The following IPCEF1 variants were observed in gnomAD, a reference collection of about 807,000 sequenced individuals.
The protein encoded by IPCEF1 is interaction protein for cytohesin exchange factors 1.
IPCEF1 carries 31 observed loss-of-function variants against 50.9 expected under a neutral mutation model. The ratio of observed to expected loss-of-function variants is 0.61; its 90% CI spans 0.46 to 0.82. The LOEUF (loss-of-function observed/expected upper bound fraction) is 0.82. Ranked by LOEUF, IPCEF1 falls within the 40% of genes least tolerant of loss-of-function variation. The probability of loss-of-function intolerance (pLI) is 0.00; values close to 1 mark genes in which losing one functional copy is unlikely to be tolerated. For missense variants in IPCEF1, 458 were observed against 514.0 expected (o/e 0.89, Z 1.05); for synonymous variants, 181 against 192.0 (o/e 0.94, Z 0.47).
chr6:154,339,041 T>G (rs1195865098), intron 1 of IPCEF1, among the ~76,000 whole-genome samples: 1 of 152,214 alleles, frequency 6.6e-6, no homozygotes, highest in Non-Finnish European at 1.5e-5. Context: ...GCTTGTTATT[T>G]CAATGTAAAT....
chr6:154,166,678 G>A (rs1799460979), intron 11 of IPCEF1, among the ~76,000 whole-genome samples: 1 of 151,990 alleles, frequency 6.6e-6, no homozygotes, highest in Admixed American at 6.6e-5. Flanking sequence ...CCATTCAATG[G>A]TCCCAGTCAC....
chr6:154,232,634 A>G lies in IPCEF1; in HGVS notation c.247-9391T>C, dbSNP rs189055089. Among the ~76,000 whole-genome samples, 676 of 152,270 alleles carry G rather than the reference A, an allele frequency of 4.4e-3. 7 individuals are homozygous for G. Among genetic ancestry groups the G allele is most frequent in the African/African-American group, 0.016 (648 of 41,560 alleles). ...TAGGCTCAGGAACTGAAATGGGAGG[A>G]GGAGAGAATCTGCAGTCAACACATG... On this transcript the variant is annotated intron_variant, in intron 5 of 11. Transcript: ENST00000367220.
At chr6:154,274,848 G>A (rs1782015582) in intron 2 of IPCEF1, among the ~76,000 whole-genome samples, 1 of 152,234 alleles carries the variant, frequency 6.6e-6, no homozygotes, top group South Asian at 2.1e-4. Context: ...AGAACATGGG[G>A]TAGACCAGAT....
chr6:154,188,984 T>C (rs1801625361), intron 10 of IPCEF1, among the ~76,000 whole-genome samples: 1 of 152,182 alleles, frequency 6.6e-6, no homozygotes, highest in Non-Finnish European at 1.5e-5. Flanking sequence ...TTTTAATCAC[T>C]TTAAAACTGA....
At chr6:154,248,306 C>CGT (rs58415100) in intron 3 of IPCEF1, among the ~76,000 whole-genome samples, 10,903 of 147,280 alleles carry the variant, frequency 0.074, 407 homozygotes, top group African/African-American at 0.077. Flanking sequence ...CTTTAAAATA[C>CGT]GTGTGTGTGT....
At chr6:154,266,533 T>A (rs1338217502) in intron 2 of IPCEF1, among the ~76,000 whole-genome samples, 2 of 147,194 alleles carry the variant, frequency 1.4e-5, no homozygotes, top group African/African-American at 5.0e-5. Context: ...CAGCAAGACA[T>A]GTATATGATT....
chr6:154,231,059 A>C (rs1161879758), intron 5 of IPCEF1, among the ~76,000 whole-genome samples: 1 of 152,194 alleles, frequency 6.6e-6, no homozygotes, highest in Middle Eastern at 3.2e-3. Flanking sequence ...GTTACTCCCC[A>C]AAACCCCCAG....
At chr6:154,211,808 C>T (rs1378702496) in intron 9 of IPCEF1, among the ~76,000 whole-genome samples, 1 of 151,954 alleles carries the variant, frequency 6.6e-6, no homozygotes, top group Non-Finnish European at 1.5e-5. Flanking sequence ...ACTTTTGCAC[C>T]AAACTATAGC....
rs1423484316 is a variant in IPCEF1, at chr6:154,159,851, GAGA to G, written c.1291_1293del (p.Ser431del). The G allele has an allele frequency of 5.0e-6, 8 of 1,611,326 alleles. No homozygotes were observed. Among genetic ancestry groups the G allele is most frequent in the East Asian group, 2.2e-5 (1 of 44,860 alleles). ...TCTCAAATGGAATTTTCAACAGAGG[GAGA>G]AGAAGGTGATTTCTTGAGTTCCTGG... On this transcript the variant is annotated inframe_deletion, in exon 12 of 12. Transcript: ENST00000367220.
intron 5 of IPCEF1, among the ~76,000 whole-genome samples, chr6:154,239,893 G>T (rs1780442822): frequency 2.0e-5 from 3 of 152,068 alleles, no homozygotes; most frequent in African/African-American, 2.4e-5. Flanking sequence ...AGTAGAGGGG[G>T]GTTTCACCAT....
chr6:154,237,725 T>C (rs1780245143), intron 5 of IPCEF1, among the ~76,000 whole-genome samples: 3 of 152,148 alleles, frequency 2.0e-5, no homozygotes, highest in Admixed American at 6.5e-5. Flanking sequence ...TTGTCCCTTA[T>C]ACCATGCTGC....
intron 1 of IPCEF1, among the ~76,000 whole-genome samples, chr6:154,326,469 C>T (rs571726992): frequency 2.0e-5 from 3 of 151,786 alleles, no homozygotes; most frequent in Admixed American, 6.6e-5. Flanking sequence ...TTCACAATTG[C>T]TACAAAAAGA....
chr6:154,207,839 T>A (rs527685182), intron 9 of IPCEF1, among the ~76,000 whole-genome samples: 25 of 152,382 alleles, frequency 1.6e-4, no homozygotes, highest in African/African-American at 6.0e-4. Flanking sequence ...ATAATCTGCA[T>A]AAGCTTCTAG....
intron 11 of IPCEF1, among the ~76,000 whole-genome samples, chr6:154,162,732 G>T (rs1435548737): frequency 2.0e-5 from 3 of 152,072 alleles, no homozygotes; most frequent in Non-Finnish European, 2.9e-5. Context: ...GTAATCACAA[G>T]AAATCTCTCC....
chr6:154,287,920 A>T (rs951625694), intron 2 of IPCEF1, among the ~76,000 whole-genome samples: 1 of 152,264 alleles, frequency 6.6e-6, no homozygotes, highest in African/African-American at 2.4e-5. Context: ...ATCAAATTTT[A>T]TGGTAAATAA....
chr6:154,254,680 A>C (rs909228735), intron 3 of IPCEF1, among the ~76,000 whole-genome samples: 5 of 152,188 alleles, frequency 3.3e-5, no homozygotes, highest in African/African-American at 1.2e-4. Context: ...TTGTTGCTGG[A>C]ATTACAACTT....
rs115617242 is a variant in IPCEF1 at position 154,301,690 on chromosome 6, T to C, written c.-61-11934A>G. On this transcript the variant is annotated intron_variant, in intron 1 of 11. Transcript: ENST00000367220. ...CGGGGGATCATGATCACTGAAATTG[T>C]GTGGATAATTTAACGTGATATGTGC... Among the ~76,000 whole-genome samples the C allele has an allele frequency of 9.7e-3, 1,484 of 152,276 alleles. 20 individuals carry two copies. The highest frequency in any genetic ancestry group is 0.034 in the African/African-American group (1,400 of 41,548).
intron 5 of IPCEF1, among the ~76,000 whole-genome samples, chr6:154,232,784 C>T (rs1779820900): frequency 6.6e-6 from 1 of 151,938 alleles, no homozygotes; most frequent in Admixed American, 6.6e-5. Context: ...GCAGCTATAA[C>T]CAGCTTCTCC....
intron 1 of IPCEF1, 71 bp downstream of exon 1, chr6:154,356,600 TC>T (rs34423227): frequency 6.6e-6 from 1 of 152,234 alleles, no homozygotes; most frequent in Non-Finnish European, 1.5e-5. Context: ...TGCTAGGGTA[TC>T]CATTGCTTTG....
Sources: gnomAD v4.1 joint callset for allele counts (sites outside exome capture counted in the v4.1 genomes callset) on GRCh38, gnomAD v4.1.1 for gene constraint, MANE v1.5 for transcripts, NCBI Gene and HGNC (gene_info 2026-07-23, HGNC 2026-07-21) for gene names.